The following EBF1 variants were observed in gnomAD, a reference collection of about 807,000 sequenced individuals.
EBF1 encodes transcription factor COE1.
A neutral mutation model predicts 68.4 loss-of-function variants in EBF1; 10 were observed. The observed-to-expected ratio is 0.15, with a 90% CI of 0.09 to 0.25. The LOEUF (loss-of-function observed/expected upper bound fraction) is 0.25, where lower values mean the gene tolerates loss of function less well. Ranked by LOEUF, EBF1 falls within the 10% of genes least tolerant of loss-of-function variation. The pLI is 1.00. For synonymous variants in EBF1, 298 were observed against 299.8 expected (o/e 0.99, Z 0.06); for missense variants, 509 against 794.4 (o/e 0.64, Z 4.32).
intron 8 of EBF1, 65 bp from the exon 9 acceptor site, chr5:158,796,540 G>C: frequency 6.8e-7 from 1 of 1,475,232 alleles, no homozygotes; most frequent in Non-Finnish European, 9.0e-7. Flanking sequence ...TAATGATGAA[G>C]ACTTGAGAAA....
At chr5:158,857,149 G>C (rs1794193113) in intron 6 of EBF1, among the ~76,000 whole-genome samples, 1 of 151,754 alleles carries the variant, frequency 6.6e-6, no homozygotes, top group Non-Finnish European at 1.5e-5. Context: ...AACCCTGTTA[G>C]ATCCTTCTGC....
intron 10 of EBF1, among the ~76,000 whole-genome samples, chr5:158,746,884 A>T (rs966389192): frequency 7.9e-5 from 12 of 152,140 alleles, no homozygotes; most frequent in Admixed American, 7.9e-4. Context: ...AATTTTTGTG[A>T]TTATATTGGG....
At chr5:158,808,720 AGAG>A (rs1782047093) in intron 8 of EBF1, among the ~76,000 whole-genome samples, 1 of 152,204 alleles carries the variant, frequency 6.6e-6, no homozygotes, top group Non-Finnish European at 1.5e-5. Flanking sequence ...ATGATGACGA[AGAG>A]GAGGAGGAAG....
intron 11 of EBF1, among the ~76,000 whole-genome samples, chr5:158,722,575 T>A (rs1293620402): frequency 6.6e-6 from 1 of 152,228 alleles, no homozygotes; most frequent in Non-Finnish European, 1.5e-5. Context: ...CACGTTCCCA[T>A]ACTATATAGA....
At chr5:158,964,553 C>T (rs1257679557) in intron 6 of EBF1, among the ~76,000 whole-genome samples, 5 of 152,106 alleles carry the variant, frequency 3.3e-5, no homozygotes, top group Non-Finnish European at 7.4e-5. Flanking sequence ...GAAGGACCCA[C>T]AGGTATGGAG....
chr5:159,066,150 A>C (rs1776758506), intron 6 of EBF1, among the ~76,000 whole-genome samples: 1 of 152,202 alleles, frequency 6.6e-6, no homozygotes, highest in Admixed American at 6.5e-5. Flanking sequence ...AGGCCCACCG[A>C]GTGAGAGGCT....
At chr5:158,749,471 C>T (rs1768293338) in intron 10 of EBF1, among the ~76,000 whole-genome samples, 1 of 152,108 alleles carries the variant, frequency 6.6e-6, no homozygotes, top group Admixed American at 6.6e-5. Context: ...AGATTCCTAA[C>T]TCACTATATT....
rs1761562923 is a variant in EBF1 at position 158,997,077 on chromosome 5, T to C, written c.554+76319A>G. Among the ~76,000 whole-genome samples, 5 of 152,210 alleles carry C rather than the reference T, an allele frequency of 3.3e-5. No homozygotes were observed. In the South Asian group the frequency reaches 8.3e-4, roughly 25 times the overall value. Reference sequence around the variant, plus strand: ...TGCTCACATCCAATCTCCCTCCTCATCCTCCACAAAAGCCCTTTGTCTACT... The same window carrying C: ...TGCTCACATCCAATCTCCCTCCTCACCCTCCACAAAAGCCCTTTGTCTACT... On this transcript the variant is annotated intron_variant, in intron 6 of 15. Transcript: ENST00000313708.
intron 10 of EBF1, among the ~76,000 whole-genome samples, chr5:158,743,486 C>T (rs1376348195): frequency 1.3e-5 from 2 of 152,052 alleles, no homozygotes; most frequent in African/African-American, 2.4e-5. Context: ...TTTTCCAGAT[C>T]GTAGGAGCAA....
At chr5:159,076,515 G>T (rs1049983696) in intron 5 of EBF1, among the ~76,000 whole-genome samples, 17 of 152,234 alleles carry the variant, frequency 1.1e-4, no homozygotes, top group Middle Eastern at 3.4e-3. Flanking sequence ...GGGACCCAGG[G>T]AAATAGGCAG....
chr5:159,004,010 C>T (rs1763068545), intron 6 of EBF1, among the ~76,000 whole-genome samples: 1 of 152,184 alleles, frequency 6.6e-6, no homozygotes, highest in Admixed American at 6.5e-5. Flanking sequence ...GGCACAGTGC[C>T]TCACAGCTGA....
At chr5:158,990,808 T>A (rs1760156556) in intron 6 of EBF1, among the ~76,000 whole-genome samples, 1 of 152,266 alleles carries the variant, frequency 6.6e-6, no homozygotes, top group African/African-American at 2.4e-5. Context: ...ATTCCTATAA[T>A]GTGATCTGTC....
intron 6 of EBF1, among the ~76,000 whole-genome samples, chr5:158,944,114 C>T (rs1668821269): frequency 6.6e-6 from 1 of 152,116 alleles, no homozygotes. Context: ...GATACATGTG[C>T]AGAACATGCA....
chr5:158,885,116 T>C (rs1274998760), intron 6 of EBF1, among the ~76,000 whole-genome samples: 1 of 152,164 alleles, frequency 6.6e-6, no homozygotes, highest in African/African-American at 2.4e-5. Flanking sequence ...CTATGACTGT[T>C]TGGGGATGCA....
chr5:158,699,070 A>G lies in EBF1; in HGVS notation c.*41T>C. ...GTATCAGATTACTCTCTGTAGCAGAATCCAACCTCTTCATTAATACAATTC... is the reference window on the plus strand; with the variant it reads ...GTATCAGATTACTCTCTGTAGCAGAGTCCAACCTCTTCATTAATACAATTC... On this transcript the variant is annotated 3_prime_UTR_variant, in exon 16 of 16. Coordinates refer to ENST00000313708, the MANE Select transcript of EBF1 (RefSeq NM_024007.5). 1 of 1,583,566 alleles carries G rather than the reference A, an allele frequency of 6.3e-7. No individual in the cohort carries two copies. Among genetic ancestry groups the G allele is most frequent in the Non-Finnish European group, 8.6e-7 (1 of 1,165,228 alleles).
At chr5:159,047,345 C>T (rs984342429) in intron 6 of EBF1, among the ~76,000 whole-genome samples, 4 of 152,146 alleles carry the variant, frequency 2.6e-5, no homozygotes, top group Non-Finnish European at 5.9e-5. Flanking sequence ...TACAGAATGT[C>T]GTGATCAGCT....
chr5:158,934,846 A>G (rs1003603097), intron 6 of EBF1, among the ~76,000 whole-genome samples: 2 of 152,220 alleles, frequency 1.3e-5, no homozygotes, highest in Non-Finnish European at 2.9e-5. Context: ...TTATAGCCTG[A>G]CCCTGAGCTA....
In EBF1 at chr5:159,096,996, A is replaced by G. The variant is rs1321916691; in HGVS notation, c.269T>C (p.Val90Ala). ...QPVEIERTAF[V>A]GFVEKEKEAN... ...TACTTTTTCCTTCTCCACGAACCCC[A>G]CAAACGCTGTCCTCTCGATCTCCAC... The change falls in exon 2 of 16, where the codon GTG becomes GCG. Residue 90 changes from valine (V) to alanine (A), a missense_variant. Transcript: ENST00000313708. The G allele has an allele frequency of 3.1e-6, 5 of 1,613,164 alleles. No individual in the cohort carries two copies. The highest frequency in any genetic ancestry group is 4.2e-6 in the Non-Finnish European group (5 of 1,179,722).
At chr5:159,019,700 A>C (rs1212164007) in intron 6 of EBF1, among the ~76,000 whole-genome samples, 1 of 152,198 alleles carries the variant, frequency 6.6e-6, no homozygotes, top group Non-Finnish European at 1.5e-5. Flanking sequence ...TCTCACTAAG[A>C]AGTGTCTCAT....
Sources: gnomAD v4.1 joint callset for allele counts (sites outside exome capture counted in the v4.1 genomes callset) on GRCh38, gnomAD v4.1.1 for gene constraint, MANE v1.5 for transcripts, NCBI Gene and HGNC (gene_info 2026-07-23, HGNC 2026-07-21) for gene names.